LINGO2: variants seen among roughly 807,000 people sequenced by gnomAD.
LINGO2 encodes leucine-rich repeat and immunoglobulin-like domain-containing nogo receptor-interacting protein 2.
In LINGO2, 14 loss-of-function variants were observed where a neutral mutation model predicts 30.6. The observed-to-expected ratio is 0.46, with a 90% CI of 0.30 to 0.72. The LOEUF (loss-of-function observed/expected upper bound fraction) is 0.72. LINGO2 is among the 30% of genes least tolerant of loss of function. The probability of loss-of-function intolerance (pLI) is 0.07; values close to 1 mark genes in which losing one functional copy is unlikely to be tolerated. For synonymous variants in LINGO2, 317 were observed against 288.5 expected, an observed-to-expected ratio of 1.10 and a Z score of -1.00; for missense variants, 729 against 751.7, an observed-to-expected ratio of 0.97 and a Z score of 0.35.
the LINGO2 span, among the ~76,000 whole-genome samples, chr9:28,765,630 T>G: frequency 7.9e-5 from 12 of 152,062 alleles, no homozygotes; most frequent in Non-Finnish European, 1.6e-4. Flanking sequence ...AGGTTATGCT[T>G]CTTTGCATGT....
chr9:28,819,011 T>G, the LINGO2 span, among the ~76,000 whole-genome samples: 1 of 152,206 alleles, frequency 6.6e-6, no homozygotes, highest in Non-Finnish European at 1.5e-5. Context: ...TTTTGTTGTT[T>G]TTTTTCTACC....
chr9:29,014,740 G>C, the LINGO2 span, among the ~76,000 whole-genome samples: 15 of 152,164 alleles, frequency 9.9e-5, no homozygotes, highest in Non-Finnish European at 1.6e-4. Flanking sequence ...CTGATGGGAA[G>C]CTGGGGACTT....
chr9:28,605,267 C>G (rs72715217), intron 1 of LINGO2, among the ~76,000 whole-genome samples: 2,810 of 151,782 alleles, frequency 0.019, 52 homozygotes, highest in Admixed American at 0.029. Context: ...TTAATTTTAT[C>G]TGTTTCTTTT....
intron 4 of LINGO2, among the ~76,000 whole-genome samples, chr9:28,270,958 C>A (rs1448443711): frequency 1.3e-5 from 2 of 152,010 alleles, no homozygotes; most frequent in African/African-American, 4.8e-5. Context: ...CTATTAACAT[C>A]TTCAGCCTAT....
intron 1 of LINGO2, among the ~76,000 whole-genome samples, chr9:28,489,772 C>G (rs1172620135): frequency 6.6e-6 from 1 of 151,446 alleles, no homozygotes; most frequent in East Asian, 2.0e-4. Context: ...GTGGTGCGTG[C>G]CTGTAATCTC....
the LINGO2 span, among the ~76,000 whole-genome samples, chr9:28,713,317 C>T: frequency 6.6e-6 from 1 of 151,974 alleles, no homozygotes; most frequent in Non-Finnish European, 1.5e-5. Flanking sequence ...ATGAATTTGC[C>T]ACTATTGACT....
At chr9:28,563,297 C>G (rs909199477) in intron 1 of LINGO2, among the ~76,000 whole-genome samples, 1 of 152,112 alleles carries the variant, frequency 6.6e-6, no homozygotes, top group Non-Finnish European at 1.5e-5. Context: ...TATCTCCTCT[C>G]TGGGAATATC....
chr9:29,037,009 A>G, the LINGO2 span, among the ~76,000 whole-genome samples: 1 of 151,888 alleles, frequency 6.6e-6, no homozygotes, highest in Non-Finnish European at 1.5e-5. Context: ...TTTGAAATCT[A>G]TGTATGTCAG....
At chr9:28,973,239 T>A in the LINGO2 span, among the ~76,000 whole-genome samples, 8 of 151,930 alleles carry the variant, frequency 5.3e-5, no homozygotes, top group African/African-American at 1.7e-4. Context: ...CATTTAATAA[T>A]CAAACTCCCA....
At position 28,492,251 on chromosome 9, in the gene LINGO2, T is replaced by A. The variant is rs117754479; in HGVS notation, c.-364-16226A>T. On this transcript the variant is annotated intron_variant, in intron 1 of 5. Transcript: ENST00000379992. ...CTAAGTGGAATACAACAATGTCTGA[T>A]CAATTTGTCTAAACTATCCAGTCTC... Among the ~76,000 whole-genome samples, 656 of 152,292 alleles carry A rather than the reference T, an allele frequency of 4.3e-3. 5 individuals carry two copies. Among genetic ancestry groups the A allele is most frequent in the Admixed American group, 7.8e-3 (119 of 15,280 alleles).
the LINGO2 span, among the ~76,000 whole-genome samples, chr9:28,832,306 G>T: frequency 6.6e-6 from 1 of 152,134 alleles, no homozygotes; most frequent in Non-Finnish European, 1.5e-5. Flanking sequence ...CACTGCTGAT[G>T]ACAGTTTTAT....
intron 1 of LINGO2, among the ~76,000 whole-genome samples, chr9:28,549,664 A>T (rs1350024526): frequency 6.6e-6 from 1 of 151,914 alleles, no homozygotes; most frequent in Non-Finnish European, 1.5e-5. Context: ...TACTAATAGT[A>T]GTATCTTTTT....
the LINGO2 span, among the ~76,000 whole-genome samples, chr9:28,692,621 T>C: frequency 6.6e-6 from 1 of 152,170 alleles, no homozygotes; most frequent in African/African-American, 2.4e-5. Context: ...CCTCCATACA[T>C]TCATGCCATT....
At chr9:28,348,885 G>A (rs10968526) in intron 3 of LINGO2, among the ~76,000 whole-genome samples, 33,795 of 150,490 alleles carry the variant, frequency 0.22, 3,844 homozygotes, top group Middle Eastern at 0.42. Flanking sequence ...CCCACCAGGG[G>A]CACACTGACA....
chr9:29,114,181 T>TA, the LINGO2 span, among the ~76,000 whole-genome samples: 1 of 144,536 alleles, frequency 6.9e-6, no homozygotes, highest in East Asian at 2.0e-4. Context: ...AATATATATA[T>TA]TTTTTTTAAG....
intron 2 of LINGO2, among the ~76,000 whole-genome samples, chr9:28,406,811 A>G (rs1263489343): frequency 6.6e-6 from 1 of 152,184 alleles, no homozygotes; most frequent in African/African-American, 2.4e-5. Flanking sequence ...AGGTACTGTG[A>G]AAAAGCTATT....
intron 4 of LINGO2, among the ~76,000 whole-genome samples, chr9:28,075,103 T>G (rs1825585986): frequency 6.6e-6 from 1 of 151,922 alleles, no homozygotes; most frequent in Non-Finnish European, 1.5e-5. Flanking sequence ...CTATCAGCAT[T>G]CAGAACTTTT....
chr9:28,389,676 A>G (rs1008444459), intron 2 of LINGO2, among the ~76,000 whole-genome samples: 3 of 152,290 alleles, frequency 2.0e-5, no homozygotes, highest in East Asian at 3.9e-4. Context: ...CCAACCTAGC[A>G]TCTCAACTTC....
chr9:28,554,992 A>G (rs1421419658), intron 1 of LINGO2, among the ~76,000 whole-genome samples: 2 of 134,624 alleles, frequency 1.5e-5, no homozygotes, highest in Admixed American at 1.5e-4. Context: ...GACGCATTCA[A>G]AGCAGTGTGT....
Sources: gnomAD v4.1 joint callset for allele counts (sites outside exome capture counted in the v4.1 genomes callset) on GRCh38, gnomAD v4.1.1 for gene constraint, MANE v1.5 for transcripts, NCBI Gene and HGNC (gene_info 2026-07-23, HGNC 2026-07-21) for gene names.